Variants in UBR2 observed in about 807,000 individuals in gnomAD.
The protein encoded by UBR2 is E3 ubiquitin-protein ligase UBR2.
Under a neutral mutation model 247.9 loss-of-function variants are expected in UBR2, and 92 were observed. The ratio of observed to expected loss-of-function variants is 0.37; its 90% CI spans 0.31 to 0.44. The LOEUF (loss-of-function observed/expected upper bound fraction) is 0.44. Among genes scored for constraint, UBR2 ranks in the 20% least tolerant of loss-of-function variants. The pLI, the probability that UBR2 is intolerant of heterozygous loss-of-function variation, is 1.00. For missense variants in UBR2, 1,613 were observed against 2,112.6 expected (o/e 0.76, Z 4.64); for synonymous variants, 672 against 693.5 (o/e 0.97, Z 0.49).
Position 42,688,404 on chromosome 6 carries a change from C to T in UBR2, c.5024+18C>T. The T allele has an allele frequency of 6.2e-7, 1 of 1,610,694 alleles. No individual in the cohort carries two copies. On this transcript the variant is annotated intron_variant, in intron 45 of 46. Transcript: ENST00000372901. ...TTCCTGAGGTAAGGACCTGCAGGGGCTTTTTAGCTTTGGATCTGCCTCAGT... is the reference window on the plus strand; with the variant it reads ...TTCCTGAGGTAAGGACCTGCAGGGGTTTTTTAGCTTTGGATCTGCCTCAGT...
At chr6:42,599,820 A>G (rs1329258255) in intron 4 of UBR2, among the ~76,000 whole-genome samples, 1 of 151,898 alleles carries the variant, frequency 6.6e-6, no homozygotes, top group African/African-American at 2.4e-5. Context: ...GCTGATCTCA[A>G]ACTCCTGGGG....
intron 34 of UBR2, among the ~76,000 whole-genome samples, chr6:42,668,533 G>A (rs1339238751): frequency 6.6e-6 from 1 of 151,598 alleles, no homozygotes; most frequent in Non-Finnish European, 1.5e-5. Context: ...TCTGCATCCC[G>A]GATTCAAGCG....
chr6:42,650,484 A>G lies in UBR2; in HGVS notation c.2565+98A>G, dbSNP rs930334966. The G allele has an allele frequency of 3.1e-6, 3 of 966,356 alleles. No individual in the cohort carries two copies. In the African/African-American group the frequency reaches 4.9e-5, roughly 16 times the overall value. The allele number at this position is 966,356 out of a possible 1,614,324, so 59.9% of individuals were successfully genotyped here. A position where few individuals can be genotyped will look rare whatever the true frequency, so the allele number is the denominator to read the frequency against. On this transcript the variant is annotated intron_variant, in intron 23 of 46. Transcript: ENST00000372901. ...TTGCCCAGGCTAGAGTTTGGTGGCT[A>G]TTCACAATGCCATTATAGAGCATTG... is the stretch of plus-strand genomic sequence containing the variant.
At chr6:42,601,554 G>A (rs1297534637) in intron 4 of UBR2, among the ~76,000 whole-genome samples, 3 of 151,910 alleles carry the variant, frequency 2.0e-5, no homozygotes, top group Non-Finnish European at 4.4e-5. Flanking sequence ...CAGGCATGGT[G>A]GCACATGCCT....
intron 10 of UBR2, among the ~76,000 whole-genome samples, chr6:42,616,852 A>G (rs1582546406): frequency 1.3e-5 from 2 of 152,150 alleles, no homozygotes; most frequent in South Asian, 4.1e-4. Context: ...ATGGCGGCCC[A>G]AGCATGTATG....
intron 32 of UBR2, among the ~76,000 whole-genome samples, chr6:42,663,953 G>A (rs986258629): frequency 2.0e-5 from 3 of 152,130 alleles, no homozygotes; most frequent in Non-Finnish European, 4.4e-5. Context: ...GAGCCCAGGA[G>A]TTCAAGACCA....
At chr6:42,607,281 C>T (rs1793761900) in intron 7 of UBR2, among the ~76,000 whole-genome samples, 1 of 150,690 alleles carries the variant, frequency 6.6e-6, no homozygotes, top group African/African-American at 2.4e-5. Flanking sequence ...AGTGATTCAG[C>T]CTCAGCCTTC....
chr6:42,632,578 C>G lies in UBR2; in HGVS notation c.1308C>G (p.Asn436Lys), dbSNP rs1178147743. 1 of 1,607,508 alleles carries G rather than the reference C, an allele frequency of 6.2e-7. No homozygotes were observed. The part of the protein sequence containing the change: ...SLARMLITEE[N>K]LMSIIIKTFM... Reference sequence around the variant, plus strand: ...CTCGAATGCTCATCACAGAAGAAAACTTAATGAGCATTATCATTAAGACTT... The same window carrying G: ...CTCGAATGCTCATCACAGAAGAAAAGTTAATGAGCATTATCATTAAGACTT... The change falls in exon 12 of 47, where the codon AAC becomes AAG. Residue 436 changes from asparagine (N) to lysine (K), a missense_variant. Asn to Lys is a moderately conservative substitution (Grantham distance 94). Transcript: ENST00000372901.
rs868608788 is a variant in UBR2 at position 42,614,424 on chromosome 6, A to G, written c.986-647A>G. Among the ~76,000 whole-genome samples the G allele has an allele frequency of 8.0e-5, 7 of 87,862 alleles. 1 individual carries two copies. Among genetic ancestry groups the G allele is most frequent in the South Asian group, 3.7e-4 (1 of 2,736 alleles). 57.6% of individuals were successfully genotyped at this position (87,862 alleles called of 152,430 possible). On this transcript the variant is annotated intron_variant, in intron 8 of 46. Transcript: ENST00000372901. Reference sequence around the variant, plus strand: ...CATACGTATGTATGTACGTACGTACATATATATGTATGTACGTACATATAT... The same window carrying G: ...CATACGTATGTATGTACGTACGTACGTATATATGTATGTACGTACATATAT...
At chr6:42,664,266 T>A (rs1427346082) in intron 32 of UBR2, 1 of 152,210 alleles carries the variant, frequency 6.6e-6, no homozygotes, top group Non-Finnish European at 1.5e-5. Flanking sequence ...GTTCCATATT[T>A]TTAGCTCTTT....
chr6:42,611,643 C>T (rs1794093935), intron 7 of UBR2, among the ~76,000 whole-genome samples: 1 of 152,094 alleles, frequency 6.6e-6, no homozygotes, highest in Non-Finnish European at 1.5e-5. Context: ...CAGTGGCTCA[C>T]ACCTGTAATC....
At chr6:42,634,636 G>A (rs1331066749) in intron 13 of UBR2, among the ~76,000 whole-genome samples, 1 of 152,124 alleles carries the variant, frequency 6.6e-6, no homozygotes, top group Non-Finnish European at 1.5e-5. Context: ...TGTATTGTTA[G>A]TAGAGACAGG....
rs1792837616 is a variant in UBR2 at position 42,594,290 on chromosome 6, A to G, written c.517A>G (p.Ile173Val). Residue 173 changes from isoleucine (I) to valine (V), a missense_variant, in exon 4 of 47, where the codon ATT (isoleucine) becomes GTT (valine). By Grantham distance (29) the Ile-to-Val change is conservative. This residue lies in a region of UBR2 where 1,524 missense variants were observed against 1,967.3 expected (regional missense o/e 0.77). Transcript: ENST00000372901. The part of the protein sequence containing the change: ...CQKHELNTSE[I>V]EEEEDPLVHL... ...AAAACATGAACTTAACACCTCTGAAATTGAGGAAGAAGAGGTAAAAACATT... is the reference window on the plus strand; with the variant it reads ...AAAACATGAACTTAACACCTCTGAAGTTGAGGAAGAAGAGGTAAAAACATT... 6.2e-7 allele frequency: 1 copy of G among 1,607,646 alleles called. No homozygotes were observed. The highest frequency in any genetic ancestry group is 8.5e-7 in the Non-Finnish European group (1 of 1,176,098).
intron 36 of UBR2, among the ~76,000 whole-genome samples, chr6:42,671,720 C>T (rs1231999300): frequency 2.9e-4 from 44 of 152,242 alleles, no homozygotes; most frequent in Non-Finnish European, 1.0e-4. Flanking sequence ...TTCTTTCTGC[C>T]TCTGTGGCTC....
rs113326544 is a variant in UBR2 at position 42,686,087 on chromosome 6, T to A, written c.4853+1216T>A. 8.4e-3 allele frequency among the ~76,000 whole-genome samples: 1,280 copies of A among 152,132 alleles called. 19 individuals are homozygous for A. The highest frequency in any genetic ancestry group is 0.024 in the African/African-American group (1,013 of 41,460). On this transcript the variant is annotated intron_variant, in intron 44 of 46. Transcript: ENST00000372901. ...ATTGTTATTTTGTATGTTTTTTTTT[T>A]AATTAGTATTTATTGATCATTCTTG...
intron 7 of UBR2, 111 bp from the exon 8 acceptor site, chr6:42,612,060 A>G: frequency 4.1e-6 from 4 of 983,996 alleles, no homozygotes; most frequent in Non-Finnish European, 5.5e-6. Context: ...TCCATGAAAA[A>G]GTCTCCTATG....
intron 28 of UBR2, 98 bp downstream of exon 28, chr6:42,658,418 C>A: frequency 1.7e-6 from 2 of 1,168,806 alleles, no homozygotes; most frequent in Non-Finnish European, 2.4e-6. Flanking sequence ...TTACTCACAA[C>A]ATTTAAATTC....
At chr6:42,622,357 G>A (rs559229783) in intron 11 of UBR2, among the ~76,000 whole-genome samples, 2 of 150,318 alleles carry the variant, frequency 1.3e-5, no homozygotes, top group East Asian at 3.9e-4. Flanking sequence ...TAGGTGTTTG[G>A]TTTGGTTTTG....
chr6:42,686,054 C>T (rs1232513540), intron 44 of UBR2, among the ~76,000 whole-genome samples: 2 of 151,522 alleles, frequency 1.3e-5, no homozygotes, highest in Admixed American at 6.6e-5. Flanking sequence ...TATTCTTGAG[C>T]AGCATGTATT....
Sources: gnomAD v4.1 joint callset for allele counts (sites outside exome capture counted in the v4.1 genomes callset) on GRCh38, gnomAD v4.1.1 for gene constraint, gnomAD v4.1.1 regional missense constraint, MANE v1.5 for transcripts, NCBI Gene and HGNC (gene_info 2026-07-23, HGNC 2026-07-21) for gene names.